Variants in GANAB observed in about 807,000 individuals in gnomAD.
GANAB encodes glucosidase II alpha subunit.
A neutral mutation model predicts 129.9 loss-of-function variants in GANAB; 35 were observed. The ratio of observed to expected loss-of-function variants is 0.27; its 90% confidence interval spans 0.21 to 0.36. The LOEUF (loss-of-function observed/expected upper bound fraction) is 0.36. Among genes scored for constraint, GANAB ranks in the 10% least tolerant of loss-of-function variants. The pLI is 1.00. For missense variants in GANAB, 939 were observed against 1,221.0 expected, an observed-to-expected ratio of 0.77 and a Z score of 3.44; for synonymous variants, 482 against 451.8, an observed-to-expected ratio of 1.07 and a Z score of -0.85.
At chr11:62,640,533 CAAA>C (rs61299912) in intron 1 of GANAB, among the ~76,000 whole-genome samples, 2 of 86,620 alleles carry the variant, frequency 2.3e-5, no homozygotes, top group African/African-American at 5.1e-5. Flanking sequence ...ACTCCATCTC[CAAA>C]AAAAAAAAAA....
intron 1 of GANAB, among the ~76,000 whole-genome samples, chr11:62,645,537 CAAA>C (rs11322640): frequency 4.0e-4 from 52 of 129,676 alleles, no homozygotes; most frequent in Admixed American, 5.5e-4. Flanking sequence ...CTCTGTCTCT[CAAA>C]AAAAAAAAAA....
chr11:62,628,205 C>CTTTTTTTTTTTTT (rs58757640), intron 17 of GANAB, among the ~76,000 whole-genome samples: 16 of 98,412 alleles, frequency 1.6e-4, no homozygotes, highest in African/African-American at 2.4e-4. Flanking sequence ...CTTCTCAAAA[C>CTTTTTTTTTTTTT]TTTTTTTTTT....
chr11:62,633,568 C>T (rs1050441851), intron 5 of GANAB, 54 bp from the exon 6 acceptor site: 1 of 1,477,704 alleles, frequency 6.8e-7, no homozygotes, highest in African/African-American at 1.4e-5. Context: ...GGACGAGGGG[C>T]TAGTGGAAGG....
chr11:62,633,356 G>A (rs1209533273), intron 6 of GANAB, 85 bp from the exon 7 acceptor site: 64 of 1,543,896 alleles, frequency 4.1e-5, no homozygotes, highest in Non-Finnish European at 5.6e-5. Context: ...ATCCCTGATG[G>A]GGAGACTAAG....
chr11:62,629,625 G>A lies in GANAB; in HGVS notation c.1797C>T (p.Val599=), dbSNP rs1361098557. 6.2e-7 allele frequency: 1 copy of A among 1,613,014 alleles called. No individual in the cohort carries two copies. Among genetic ancestry groups the A allele is most frequent in the South Asian group, 1.1e-5 (1 of 90,962 alleles). ...QRSGGMERPF[V]LARAFFAGSQ... The stretch of plus-strand genomic sequence containing the variant: ...AGCCAGCGAAGAAGGCCCTGGCCAG[G>A]ACAAAGGGGCGTTCCATGCCCCCAG... The change falls in exon 15 of 24, where the codon GTC becomes GTT. Residue 599 remains valine (V), a synonymous_variant. Coordinates refer to ENST00000356638, the MANE Select transcript of GANAB (RefSeq NM_198334.3).
chr11:62,639,450 C>G lies in GANAB; in HGVS notation c.161G>C (p.Arg54Pro). The G allele has an allele frequency of 4.3e-6, 7 of 1,613,208 alleles. No individual in the cohort carries two copies. The highest frequency in any genetic ancestry group is 5.9e-6 in the Non-Finnish European group (7 of 1,179,272). ...GGCTCGGTATGGAGAGAGGCCTGGC[C>G]GTATGCTTCTCTGTCGCCTGCCAAG... ...SSFCKRQRSI[R>P]PGLSPYRALL... Residue 54 changes from arginine (R) to proline (P), a missense_variant, in exon 3 of 24, where the codon CGG becomes CCG. Around this residue, in one of 5 missense-constraint regions of GANAB, gnomAD observed 321 missense variants for 329.1 expected, o/e 0.98. Transcript: ENST00000356638.
intron 15 of GANAB, 80 bp downstream of exon 15, chr11:62,629,508 A>C: frequency 1.0e-6 from 1 of 977,776 alleles, no homozygotes; most frequent in Non-Finnish European, 1.6e-6. Flanking sequence ...CCCATTCCTC[A>C]GAGAGGCAGG....
At chr11:62,631,696 T>A (rs1943690457) in intron 9 of GANAB, among the ~76,000 whole-genome samples, 1 of 151,952 alleles carries the variant, frequency 6.6e-6, no homozygotes, top group African/African-American at 2.4e-5. Context: ...CTCTTGACCT[T>A]GTGATCTGTC....
intron 1 of GANAB, among the ~76,000 whole-genome samples, chr11:62,640,616 G>A (rs1302057955): frequency 3.3e-5 from 5 of 150,206 alleles, no homozygotes; most frequent in South Asian, 4.2e-4. Context: ...GACAGATCAC[G>A]AGGTCAGGAG....
intron 12 of GANAB, 39 bp from the exon 13 acceptor site, chr11:62,630,315 G>C (rs774373624): frequency 6.2e-7 from 1 of 1,612,460 alleles, no homozygotes; most frequent in Non-Finnish European, 8.5e-7. Context: ...CCCCTAAGGG[G>C]CAAAAGAGCC....
chr11:62,646,555 T>A lies in GANAB; in HGVS notation c.38+7A>T, dbSNP rs767805524. ...CCGGGCGCGCCCCCAGATTCCGGGC[T>A]CCTCACCGCCTCCTACGCGCCGCCA... On this transcript the variant is annotated splice_region_variant and intron_variant, in intron 1 of 23. Transcript: ENST00000356638. 3.1e-6 allele frequency: 5 copies of A among 1,612,814 alleles called. No individual in the cohort carries two copies. Among genetic ancestry groups the A allele is most frequent in the Middle Eastern group, 1.6e-4 (1 of 6,078 alleles).
intron 3 of GANAB, 39 bp from the exon 4 acceptor site, chr11:62,639,149 G>C (rs779274623): frequency 1.2e-6 from 2 of 1,609,816 alleles, no homozygotes; most frequent in Non-Finnish European, 1.7e-6. Context: ...AAAGGAAATG[G>C]GATACACCAT....
chr11:62,638,046 T>C (rs1024812136), intron 4 of GANAB, among the ~76,000 whole-genome samples: 8 of 152,038 alleles, frequency 5.3e-5, no homozygotes, highest in Admixed American at 1.3e-4. Flanking sequence ...ATAATACAAC[T>C]GTAAGAACAA....
intron 9 of GANAB, among the ~76,000 whole-genome samples, chr11:62,631,533 G>A (rs1554972540): frequency 6.6e-6 from 1 of 150,674 alleles, no homozygotes; most frequent in Non-Finnish European, 1.5e-5. Flanking sequence ...TGTGATCTTA[G>A]CTCACTGCAA....
intron 17 of GANAB, among the ~76,000 whole-genome samples, chr11:62,628,029 T>G (rs1565091228): frequency 1.3e-5 from 2 of 152,104 alleles, no homozygotes; most frequent in Non-Finnish European, 2.9e-5. Context: ...CTCCTAGCTC[T>G]CCTTCTGCTT....
intron 4 of GANAB, among the ~76,000 whole-genome samples, chr11:62,637,981 T>C (rs1000221761): frequency 3.3e-5 from 5 of 150,410 alleles, no homozygotes; most frequent in Non-Finnish European, 7.4e-5. Flanking sequence ...AAACAAAAAA[T>C]ATATATAATT....
At chr11:62,641,924 C>T (rs1474741218) in intron 1 of GANAB, among the ~76,000 whole-genome samples, 1 of 151,272 alleles carries the variant, frequency 6.6e-6, no homozygotes, top group Non-Finnish European at 1.5e-5. Flanking sequence ...TGGCCAGGCG[C>T]AGTGGCTCAC....
At chr11:62,638,808 G>A (rs531531982) in intron 4 of GANAB, among the ~76,000 whole-genome samples, 175 bp downstream of exon 4, 74 of 152,236 alleles carry the variant, frequency 4.9e-4, no homozygotes, top group Non-Finnish European at 7.5e-4. Context: ...GAGGATAAAG[G>A]GATAAAGAGA....
Position 62,625,712 on chromosome 11 carries a change from CA to C in GANAB, c.*102del. 1 of 760,780 alleles carries C rather than the reference CA, an allele frequency of 1.3e-6. No individual in the cohort carries two copies. The highest frequency in any genetic ancestry group is 2.3e-6 in the Non-Finnish European group (1 of 430,388). The allele number at this position is 760,780 out of a possible 1,614,324, so 47.1% of individuals were successfully genotyped here. On this transcript the variant is annotated 3_prime_UTR_variant, in exon 24 of 24. Coordinates refer to ENST00000356638, the MANE Select transcript of GANAB (RefSeq NM_198334.3). Reference sequence around the variant, plus strand: ...TGGCAGAATCTGGGTCTTAGACTAGCATAAGTGAAGTCTGGGGAGGGCCGAA... The same window carrying C: ...TGGCAGAATCTGGGTCTTAGACTAGCTAAGTGAAGTCTGGGGAGGGCCGAA...
Sources: allele counts gnomAD v4.1 joint callset (sites outside exome capture counted in the v4.1 genomes callset), GRCh38; gene constraint gnomAD v4.1.1; regional missense constraint gnomAD v4.1.1; transcripts MANE v1.5; gene names NCBI Gene and HGNC (gene_info 2026-07-23, HGNC 2026-07-21).